Variants in DYRK1A observed in about 807,000 individuals in gnomAD.
DYRK1A encodes dual specificity tyrosine phosphorylation regulated kinase 1A, also known as dual specificity tyrosine-phosphorylation-regulated kinase 1A.
DYRK1A carries 9 observed loss-of-function variants against 79.7 expected under a neutral mutation model. The ratio of observed to expected loss-of-function variants is 0.11; its 90% CI spans 0.07 to 0.20. The LOEUF is 0.20. DYRK1A is among the 10% of genes least tolerant of loss of function. The pLI is 1.00. For synonymous variants in DYRK1A, 349 were observed against 329.7 expected, an observed-to-expected ratio of 1.06 and a Z score of -0.63; for missense variants, 622 against 956.0, an observed-to-expected ratio of 0.65 and a Z score of 4.61.
At chr21:37,372,929 A>T (rs1268381086) in intron 1 of DYRK1A, among the ~76,000 whole-genome samples, 2 of 152,152 alleles carry the variant, frequency 1.3e-5, no homozygotes, top group Non-Finnish European at 2.9e-5. Context: ...TTATTCATAT[A>T]TGTTCTTATA....
intron 5 of DYRK1A, among the ~76,000 whole-genome samples, chr21:37,482,899 C>T (rs530574217): frequency 6.6e-5 from 10 of 152,278 alleles, no homozygotes; most frequent in African/African-American, 9.6e-5. Context: ...GGCTCTGTTC[C>T]GCCCGGGTCA....
At chr21:37,455,220 T>C (rs1477606602) in intron 2 of DYRK1A, among the ~76,000 whole-genome samples, 1 of 152,098 alleles carries the variant, frequency 6.6e-6, no homozygotes, top group Non-Finnish European at 1.5e-5. Context: ...ACATGTTTTT[T>C]CCAGTGTTAT....
intron 1 of DYRK1A, among the ~76,000 whole-genome samples, chr21:37,405,293 T>A (rs750650241): frequency 6.6e-6 from 1 of 152,172 alleles, no homozygotes; most frequent in African/African-American, 2.4e-5. Context: ...AAAGCAGCTG[T>A]CCCATTATTG....
At chr21:37,498,177 TA>T (rs1490267135) in intron 9 of DYRK1A, among the ~76,000 whole-genome samples, 1 of 152,210 alleles carries the variant, frequency 6.6e-6, no homozygotes, top group Admixed American at 6.5e-5. Context: ...AAATACTATA[TA>T]TTTTTTTCCT....
intron 1 of DYRK1A, among the ~76,000 whole-genome samples, chr21:37,406,271 C>T (rs1252803221): frequency 3.3e-5 from 5 of 152,160 alleles, no homozygotes; most frequent in Non-Finnish European, 7.3e-5. Flanking sequence ...TAACCAGAAG[C>T]ATACATTCCA....
chr21:37,426,268 C>T (rs922385821), intron 2 of DYRK1A, among the ~76,000 whole-genome samples: 9 of 152,116 alleles, frequency 5.9e-5, no homozygotes, highest in African/African-American at 2.2e-4. Flanking sequence ...ACTCCAGTTT[C>T]CCCAAAGTTT....
At chr21:37,495,514 C>T (rs117499481) in intron 8 of DYRK1A, among the ~76,000 whole-genome samples, 8,764 of 152,190 alleles carry the variant, frequency 0.058, 318 homozygotes, top group Non-Finnish European at 0.078. Flanking sequence ...TGCCTGTAGT[C>T]CCAGTTACTC....
chr21:37,455,091 T>C (rs1601143702), intron 2 of DYRK1A, among the ~76,000 whole-genome samples: 1 of 144,284 alleles, frequency 6.9e-6, no homozygotes, highest in East Asian at 2.1e-4. Context: ...AAAAACAGGC[T>C]CCCAGGACAA....
intron 2 of DYRK1A, among the ~76,000 whole-genome samples, chr21:37,463,742 C>T (rs1367246416): frequency 6.6e-6 from 1 of 152,138 alleles, no homozygotes; most frequent in Non-Finnish European, 1.5e-5. Flanking sequence ...AATCATGTGC[C>T]TTTATTTCCG....
At chr21:37,447,382 T>C (rs117172795) in intron 2 of DYRK1A, among the ~76,000 whole-genome samples, 1,799 of 152,212 alleles carry the variant, frequency 0.012, 15 homozygotes, top group Non-Finnish European at 0.018. Flanking sequence ...GAACATACAT[T>C]AAAAAAACAT....
At chr21:37,452,922 T>C (rs1173606834) in intron 2 of DYRK1A, among the ~76,000 whole-genome samples, 1 of 152,140 alleles carries the variant, frequency 6.6e-6, no homozygotes, top group Non-Finnish European at 1.5e-5. Flanking sequence ...TTATGTAATT[T>C]AAATTTTTCT....
At chr21:37,505,705 C>T in intron 10 of DYRK1A, 116 bp downstream of exon 10, 2 of 1,137,086 alleles carry the variant, frequency 1.8e-6, no homozygotes, top group Non-Finnish European at 2.4e-6. Flanking sequence ...AGTTACTTTA[C>T]TTAAATCTGT....
In DYRK1A at chr21:37,470,731, A is replaced by G. The variant is rs191287720; in HGVS notation, c.11-1953A>G. Among the ~76,000 whole-genome samples, 453 of 152,194 alleles carry G rather than the reference A, an allele frequency of 3.0e-3. 1 individual carries two copies. Among genetic ancestry groups the G allele is most frequent in the Non-Finnish European group, 5.2e-3 (355 of 68,000 alleles). On this transcript the variant is annotated intron_variant, in intron 2 of 11. Coordinates refer to ENST00000647188, the MANE Select transcript of DYRK1A (RefSeq NM_001347721.2). ...CCCAGTATTTGAATTTAGATTTTCA[A>G]TGTTTTGCTTTTACAAACAACACCA...
intron 1 of DYRK1A, among the ~76,000 whole-genome samples, chr21:37,397,698 A>G (rs1240688138): frequency 2.0e-5 from 3 of 152,172 alleles, no homozygotes; most frequent in Non-Finnish European, 2.9e-5. Context: ...CTTGTTCAAA[A>G]TATAGGTTCA....
At chr21:37,470,864 GAATGA>G (rs1246107852) in intron 2 of DYRK1A, among the ~76,000 whole-genome samples, 1 of 152,172 alleles carries the variant, frequency 6.6e-6, no homozygotes, top group Non-Finnish European at 1.5e-5. Flanking sequence ...GAATTGAATT[GAATGA>G]AAGTATTTTT....
intron 2 of DYRK1A, among the ~76,000 whole-genome samples, chr21:37,442,686 G>A (rs1222472718): frequency 6.6e-6 from 1 of 152,020 alleles, no homozygotes; most frequent in Non-Finnish European, 1.5e-5. Context: ...TGATATTCCT[G>A]TCCCAGCCTC....
rs76705633 is a variant in DYRK1A, at chr21:37,404,202, A to G, written c.-76-16097A>G. Among the ~76,000 whole-genome samples, 64 of 152,320 alleles carry G rather than the reference A, an allele frequency of 4.2e-4. 3 individuals are homozygous for G. The South Asian group carries it at 0.012, about 29-fold the overall frequency. Reference sequence around the variant, plus strand: ...ATAAATTGATGTAAGGAATTGGCTCACGTGACAGTGGAGGCTGAGCAGTCA... The same window carrying G: ...ATAAATTGATGTAAGGAATTGGCTCGCGTGACAGTGGAGGCTGAGCAGTCA... On this transcript the variant is annotated intron_variant, in intron 1 of 11. Transcript: ENST00000647188.
chr21:37,525,968 GA>G lies in DYRK1A; in HGVS notation c.*13439del, dbSNP rs1431548174. 6.6e-6 allele frequency: 1 copy of G among 152,160 alleles called. No individual in the cohort carries two copies. The highest frequency in any genetic ancestry group is 1.5e-5 in the Non-Finnish European group (1 of 68,028). The allele number at this position is 152,160 out of a possible 1,614,324, so 9.4% of individuals were successfully genotyped here. On this transcript the variant is annotated 3_prime_UTR_variant, in exon 12 of 12. Transcript: ENST00000647188. ...TGCAGACTTGATAGTGTTTCTTAAG[GA>G]ATTCAGCCTAAACCACAAGATAAAA...
chr21:37,522,083 A>C lies in DYRK1A; in HGVS notation c.*9552A>C, dbSNP rs760260201. On this transcript the variant is annotated 3_prime_UTR_variant, in exon 12 of 12. Coordinates refer to ENST00000647188, the MANE Select transcript of DYRK1A (RefSeq NM_001347721.2). ...GGATACGTAAATAAGAGAATCTTGT[A>C]TGTTCTAAAAATTAACATCATTGCA... 1 of 152,184 alleles carries C rather than the reference A, an allele frequency of 6.6e-6. No homozygotes were observed. The highest frequency in any genetic ancestry group is 1.9e-4 in the East Asian group (1 of 5,194). 9.4% of individuals were successfully genotyped at this position (152,184 alleles called of 1,614,324 possible). A position where few individuals can be genotyped will look rare whatever the true frequency, so the allele number is the denominator to read the frequency against.
Sources: allele counts gnomAD v4.1 joint callset (sites outside exome capture counted in the v4.1 genomes callset), GRCh38; gene constraint gnomAD v4.1.1; transcripts MANE v1.5; gene names NCBI Gene and HGNC (gene_info 2026-07-23, HGNC 2026-07-21).